The following RNLS variants were observed in gnomAD, a reference collection of about 807,000 sequenced individuals.
The protein encoded by RNLS is renalase.
RNLS carries 39 observed loss-of-function variants against 39.8 expected under a neutral mutation model. The ratio of observed to expected loss-of-function variants is 0.98; its 90% CI spans 0.76 to 1.28. The LOEUF is 1.28. Ranked by LOEUF, RNLS falls within the 50% of genes most tolerant of loss-of-function variation. The probability of loss-of-function intolerance (pLI) is 0.00; values close to 1 mark genes in which losing one functional copy is unlikely to be tolerated. For synonymous variants in RNLS, 147 were observed against 150.7 expected (o/e 0.98, Z 0.18); for missense variants, 410 against 413.3 (o/e 0.99, Z 0.07).
chr10:88,278,724 A>G (rs1842901854), intron 6 of RNLS, among the ~76,000 whole-genome samples: 1 of 152,234 alleles, frequency 6.6e-6, no homozygotes, highest in South Asian at 2.1e-4. Flanking sequence ...AATGGGATGT[A>G]GTATAAAGTA....
chr10:88,545,474 A>T, intron 4 of RNLS: 1 of 456,250 alleles, frequency 2.2e-6, no homozygotes, highest in South Asian at 1.5e-5. Flanking sequence ...CAGGCAAGAC[A>T]GCATATGTAC....
intron 4 of RNLS, among the ~76,000 whole-genome samples, chr10:88,565,747 C>CTTTTTT (rs34655092): frequency 4.1e-5 from 4 of 98,058 alleles, no homozygotes; most frequent in African/African-American, 4.1e-5. Context: ...CGTTATCTTT[C>CTTTTTT]TTTTTTTTTT....
At chr10:88,573,202 T>C in intron 3 of RNLS, 141 bp from the exon 4 acceptor site, 1 of 708,686 alleles carries the variant, frequency 1.4e-6, no homozygotes. Flanking sequence ...TCTCTTCCTT[T>C]ACTTTCTTTC....
At chr10:88,582,739 T>C (rs1164602846) in intron 1 of RNLS, among the ~76,000 whole-genome samples, 2 of 152,176 alleles carry the variant, frequency 1.3e-5, no homozygotes, top group Non-Finnish European at 2.9e-5. Flanking sequence ...ATCTATTTAT[T>C]AGGGACAGCA....
intron 5 of RNLS, among the ~76,000 whole-genome samples, chr10:88,329,424 G>T (rs1846911369): frequency 6.6e-6 from 1 of 151,760 alleles, no homozygotes; most frequent in Non-Finnish European, 1.5e-5. Flanking sequence ...TGCTTTTATG[G>T]TTTTTTCTTT....
the RNLS span, among the ~76,000 whole-genome samples, chr10:88,223,986 G>A: frequency 3.7e-4 from 56 of 151,406 alleles, no homozygotes; most frequent in African/African-American, 1.2e-3. Flanking sequence ...GGAGAAACTG[G>A]AGATTGAGGC....
At chr10:88,404,283 G>C (rs1407291504) in intron 4 of RNLS, among the ~76,000 whole-genome samples, 1 of 152,024 alleles carries the variant, frequency 6.6e-6, no homozygotes, top group African/African-American at 2.4e-5. Context: ...AATTGATCTT[G>C]GTTTCAATCC....
chr10:88,323,451 A>G (rs1307988214), intron 5 of RNLS, among the ~76,000 whole-genome samples: 2 of 152,200 alleles, frequency 1.3e-5, no homozygotes, highest in South Asian at 2.1e-4. Flanking sequence ...ATAAATCCAT[A>G]TACCTACAAC....
chr10:88,408,094 A>C (rs1853398413), intron 4 of RNLS, among the ~76,000 whole-genome samples: 1 of 152,140 alleles, frequency 6.6e-6, no homozygotes, highest in Non-Finnish European at 1.5e-5. Flanking sequence ...AAATGTGTTT[A>C]AACTGCATAT....
At chr10:88,401,428 AC>A (rs1852909198) in intron 4 of RNLS, among the ~76,000 whole-genome samples, 1 of 151,976 alleles carries the variant, frequency 6.6e-6, no homozygotes, top group Non-Finnish European at 1.5e-5. Context: ...AATACTAAAC[AC>A]CAGAATAGAG....
chr10:88,311,800 C>G (rs1845403178), intron 6 of RNLS, among the ~76,000 whole-genome samples: 1 of 152,068 alleles, frequency 6.6e-6, no homozygotes, highest in Admixed American at 6.5e-5. Context: ...CATTTTTTAC[C>G]CCACTGTTGC....
At chr10:88,300,437 CTCTTTTGCT>C (rs1456131953) in intron 6 of RNLS, among the ~76,000 whole-genome samples, 1 of 152,226 alleles carries the variant, frequency 6.6e-6, no homozygotes, top group African/African-American at 2.4e-5. Flanking sequence ...TATTCTTTGC[CTCTTTTGCT>C]TCTGAAAAAG....
intron 4 of RNLS, among the ~76,000 whole-genome samples, chr10:88,568,700 G>A (rs924374716): frequency 3.3e-5 from 5 of 152,116 alleles, no homozygotes; most frequent in African/African-American, 1.2e-4. Context: ...CAAATGTGAG[G>A]AAAAGAGATA....
intron 5 of RNLS, chr10:88,343,601 T>C: frequency 1.0e-6 from 1 of 985,172 alleles, no homozygotes; most frequent in Non-Finnish European, 1.2e-6. Flanking sequence ...CTGGGATAAT[T>C]TTCCTCTATT....
chr10:88,368,949 A>G (rs945653009), intron 4 of RNLS, among the ~76,000 whole-genome samples: 1 of 152,092 alleles, frequency 6.6e-6, no homozygotes, highest in African/African-American at 2.4e-5. Context: ...TAGGAAGAAT[A>G]GATCTCGCTT....
At chr10:88,232,171 C>T in the RNLS span, among the ~76,000 whole-genome samples, 1 of 152,286 alleles carries the variant, frequency 6.6e-6, no homozygotes, top group South Asian at 2.1e-4. Flanking sequence ...CCTCTTGAGT[C>T]GGGTGCCCAA....
At chr10:88,196,064 C>A in the RNLS span, among the ~76,000 whole-genome samples, 47 of 152,032 alleles carry the variant, frequency 3.1e-4, no homozygotes, top group Admixed American at 1.2e-3. Context: ...CTCTGAGACC[C>A]AAGTGCAAAG....
chr10:88,342,251 G>T (rs1175013734), intron 5 of RNLS, among the ~76,000 whole-genome samples: 1 of 152,164 alleles, frequency 6.6e-6, no homozygotes, highest in Non-Finnish European at 1.5e-5. Flanking sequence ...GCCACAGTGT[G>T]TCAGCCACAA....
At chr10:88,302,393 A>C (rs1273279414) in intron 6 of RNLS, among the ~76,000 whole-genome samples, 2 of 152,250 alleles carry the variant, frequency 1.3e-5, no homozygotes, top group African/African-American at 4.8e-5. Flanking sequence ...TACTTATCTT[A>C]GAAGGCTATG....
Sources: gnomAD v4.1 joint callset for allele counts (sites outside exome capture counted in the v4.1 genomes callset) on GRCh38, gnomAD v4.1.1 for gene constraint, MANE v1.5 for transcripts, NCBI Gene and HGNC (gene_info 2026-07-23, HGNC 2026-07-21) for gene names.